FRMPD3: variants seen among roughly 807,000 people sequenced by gnomAD.
FRMPD3 encodes FERM and PDZ domain containing 3, also known as FERM and PDZ domain-containing protein 3.
FRMPD3 carries 42 observed loss-of-function variants against 97.9 expected under a neutral mutation model. That is an observed-to-expected ratio of 0.43 (90% CI 0.34 to 0.55). The LOEUF (loss-of-function observed/expected upper bound fraction) is 0.55. Among genes scored for constraint, FRMPD3 ranks in the 20% least tolerant of loss-of-function variants. The pLI is 0.03. For synonymous variants in FRMPD3, 577 were observed against 581.1 expected (o/e 0.99, Z 0.10); for missense variants, 1,303 against 1,457.7 (o/e 0.89, Z 1.73).
intron 1 of FRMPD3, among the ~76,000 whole-genome samples, chrX:107,464,822 G>A (rs1390424894): frequency 1.8e-5 from 2 of 111,931 alleles, no homozygotes; most frequent in Non-Finnish European, 3.8e-5. Context: ...GAGCATCTCA[G>A]CTATTTTAAG....
intron 13 of FRMPD3, among the ~76,000 whole-genome samples, chrX:107,589,028 T>C (rs1057404053): frequency 9.0e-6 from 1 of 111,723 alleles, no homozygotes; most frequent in Non-Finnish European, 1.9e-5. Flanking sequence ...ACATCCTCCT[T>C]TAGCTCAGCA....
intron 1 of FRMPD3, among the ~76,000 whole-genome samples, chrX:107,463,853 TTAAC>T (rs1426151383): frequency 6.2e-5 from 7 of 112,379 alleles, no homozygotes; most frequent in Non-Finnish European, 9.4e-5. Context: ...GTTTATCAGA[TTAAC>T]TAGCTGTCAC....
rs1194258367 is a variant in FRMPD3 at position 107,600,902 on chromosome X, A to G, written c.2863A>G (p.Ile955Val). The G allele has an allele frequency of 8.3e-7, 1 of 1,209,623 alleles. No homozygotes were observed. The highest frequency in any genetic ancestry group is 2.2e-5 in the Admixed American group (1 of 45,994). ...CCCAAAGAGCAGTGTGACCCCTGCC[A>G]TCATCTCGGCCGCCCTACAGCAAGT... ...LDPKSSVTPAIISAALQQVVH... is the reference protein window; with the variant it reads ...LDPKSSVTPAVISAALQQVVH... The change falls in exon 15 of 15, where the codon ATC (isoleucine) becomes GTC (valine). Residue 955 changes from isoleucine to valine, a missense_variant. By Grantham distance (29) the Ile-to-Val change is conservative. Around this residue, in one of 3 missense-constraint regions of FRMPD3, gnomAD observed 764 missense variants for 820.2 expected, o/e 0.93. Coordinates refer to ENST00000683843, the MANE Select transcript of FRMPD3 (RefSeq NM_001388459.1).
At chrX:107,557,797 CTATATA>C (rs59276897) in intron 8 of FRMPD3, among the ~76,000 whole-genome samples, 4,508 of 29,811 alleles carry the variant, frequency 0.15, 187 homozygotes, top group Non-Finnish European at 0.23. Context: ...AATCTGTTGT[CTATATA>C]TATATATATA....
chrX:107,526,877 A>C, intron 2 of FRMPD3, 141 bp downstream of exon 2: 2 of 612,991 alleles, frequency 3.3e-6, no homozygotes, highest in Non-Finnish European at 2.4e-6. Context: ...TTGCCAACCA[A>C]TAACTGTGTG....
intron 12 of FRMPD3, 56 bp from the exon 13 acceptor site, chrX:107,576,259 A>G (rs1923111349): frequency 2.6e-6 from 3 of 1,168,526 alleles, no homozygotes; most frequent in Admixed American, 4.5e-5. Context: ...GCCTCTGAAA[A>G]TGCATCTGCC....
chrX:107,596,432 T>G (rs1343272051), intron 13 of FRMPD3, among the ~76,000 whole-genome samples: 1 of 112,217 alleles, frequency 8.9e-6, no homozygotes, highest in Non-Finnish European at 1.9e-5. Context: ...GTCTGTCTGC[T>G]GTCCGAGTAT....
At chrX:107,556,770 C>A (rs1922102278) in intron 8 of FRMPD3, among the ~76,000 whole-genome samples, 1 of 111,973 alleles carries the variant, frequency 8.9e-6, no homozygotes, top group Non-Finnish European at 1.9e-5. Context: ...ATTTTGAGAT[C>A]CATCTATGTT....
intron 13 of FRMPD3, among the ~76,000 whole-genome samples, chrX:107,576,764 G>C (rs893540269): frequency 2.7e-5 from 3 of 112,149 alleles, no homozygotes; most frequent in African/African-American, 9.7e-5. Context: ...TTGGATCTAA[G>C]GCAAACTTAG....
intron 1 of FRMPD3, among the ~76,000 whole-genome samples, chrX:107,507,243 G>A (rs895893581): frequency 1.8e-5 from 2 of 111,093 alleles, no homozygotes; most frequent in African/African-American, 6.6e-5. Flanking sequence ...ATTCGTTTGG[G>A]TTGCCTGGCA....
Position 107,601,588 on chromosome X carries a change from C to T in FRMPD3, c.3549C>T (p.Ser1183=), listed in dbSNP as rs768528965. 1.5e-5 allele frequency: 18 copies of T among 1,205,481 alleles called. No homozygotes were observed. The highest frequency in any genetic ancestry group is 2.2e-5 in the Admixed American group (1 of 45,205). The change falls in exon 15 of 15, where the codon AGC becomes AGT. Residue 1183 remains serine, a synonymous_variant. Coordinates refer to ENST00000683843, the MANE Select transcript of FRMPD3 (RefSeq NM_001388459.1). ...LRSQAASRQV[S]TMPSRKLETT... ...CTCAGGCTGCCAGCCGGCAGGTGAG[C>T]ACCATGCCCTCTAGGAAGCTTGAAA...
At chrX:107,511,077 C>T (rs1350070016) in intron 1 of FRMPD3, among the ~76,000 whole-genome samples, 1 of 112,188 alleles carries the variant, frequency 8.9e-6, no homozygotes, top group Non-Finnish European at 1.9e-5. Context: ...CTGGCCTGCC[C>T]CTCTCTTCAC....
intron 1 of FRMPD3, among the ~76,000 whole-genome samples, chrX:107,519,709 C>T (rs1230711082): frequency 9.0e-6 from 1 of 110,807 alleles, no homozygotes; most frequent in Admixed American, 9.6e-5. Context: ...TCCTCAAAGA[C>T]GCAGGATATT....
At chrX:107,522,970 G>A (rs756232188) in intron 1 of FRMPD3, among the ~76,000 whole-genome samples, 26 of 111,374 alleles carry the variant, frequency 2.3e-4, no homozygotes, top group Non-Finnish European at 4.1e-4. Flanking sequence ...ATTTTGTTCA[G>A]GGATGCCCTA....
intron 1 of FRMPD3, chrX:107,512,990 A>C (rs1343040044): frequency 8.9e-6 from 1 of 112,445 alleles, no homozygotes; most frequent in Non-Finnish European, 1.9e-5. Context: ...CCTATTAGAC[A>C]ACATGTCTGA....
At chrX:107,462,490 C>T (rs984037174) in intron 1 of FRMPD3, among the ~76,000 whole-genome samples, 1 of 112,213 alleles carries the variant, frequency 8.9e-6, no homozygotes, top group African/African-American at 3.2e-5. Flanking sequence ...GAGCTTGGGG[C>T]TTCATGCCCC....
chrX:107,603,580 C>G lies in FRMPD3; in HGVS notation c.*207C>G, dbSNP rs1924667748. ...GCTGCCGCCCTGGGTGTCCTCACCC[C>G]TTCCCTGGCCTCTGGGCCTCACTGT... On this transcript the variant is annotated 3_prime_UTR_variant, in exon 15 of 15. Coordinates refer to ENST00000683843, the MANE Select transcript of FRMPD3 (RefSeq NM_001388459.1). The G allele has an allele frequency of 2.7e-6, 2 of 728,540 alleles. No homozygotes were observed. Among genetic ancestry groups the G allele is most frequent in the African/African-American group, 2.1e-5 (1 of 46,865 alleles). 60.0% of individuals were successfully genotyped at this position (728,540 alleles called of 1,213,427 possible).
At chrX:107,596,265 C>A (rs1924167023) in intron 13 of FRMPD3, among the ~76,000 whole-genome samples, 1 of 111,857 alleles carries the variant, frequency 8.9e-6, no homozygotes, top group Non-Finnish European at 1.9e-5. Context: ...AGGCGGAAAT[C>A]CAGTCTACCA....
At chrX:107,573,810 G>A (rs1392649797) in intron 12 of FRMPD3, among the ~76,000 whole-genome samples, 1 of 112,476 alleles carries the variant, frequency 8.9e-6, no homozygotes. Flanking sequence ...AGACTGTGTG[G>A]TATAGACATA....
Sources: allele counts gnomAD v4.1 joint callset (sites outside exome capture counted in the v4.1 genomes callset), GRCh38; gene constraint gnomAD v4.1.1; regional missense constraint gnomAD v4.1.1; transcripts MANE v1.5; gene names NCBI Gene and HGNC (gene_info 2026-07-23, HGNC 2026-07-21).